The following GLIPR1L1 variants were observed in gnomAD, a reference collection of about 807,000 sequenced individuals.
The protein encoded by GLIPR1L1 is GLIPR1 like 1.
Under a neutral mutation model 29.9 loss-of-function variants are expected in GLIPR1L1, and 26 were observed. The observed-to-expected ratio is 0.87, with a 90% CI of 0.64 to 1.21. The LOEUF is 1.21. GLIPR1L1 is among the 50% of genes most tolerant of loss of function. GLIPR1L1 has a pLI of 0.00. For synonymous variants in GLIPR1L1, 77 were observed against 97.5 expected, an observed-to-expected ratio of 0.79 and a Z score of 1.24; for missense variants, 305 against 290.3, an observed-to-expected ratio of 1.05 and a Z score of -0.37.
intron 4 of GLIPR1L1, among the ~76,000 whole-genome samples, chr12:75,368,310 G>A (rs2044125898): frequency 6.8e-6 from 1 of 146,606 alleles, no homozygotes; most frequent in Non-Finnish European, 1.5e-5. Context: ...TTTTCCTCCT[G>A]CATTTTTCAT....
intron 2 of GLIPR1L1, among the ~76,000 whole-genome samples, chr12:75,344,216 C>G (rs1468980230): frequency 6.6e-6 from 1 of 152,064 alleles, no homozygotes; most frequent in Non-Finnish European, 1.5e-5. Flanking sequence ...TTCTCTCACT[C>G]TCTCTCTTCC....
rs181580359 is a variant in GLIPR1L1 at position 75,360,415 on chromosome 12, T to A, written c.522-2687T>A. ...CAAGTTAGTTCCTTCCTAGATACAA[T>A]GGGGATACAGGCATTGGGTAAATGC... On this transcript the variant is annotated intron_variant, in intron 3 of 5. Transcript: ENST00000378695. 3.3e-5 allele frequency: 5 copies of A among 152,232 alleles called. No individual in the cohort carries two copies. The East Asian group carries it at 9.7e-4, about 29-fold the overall frequency. The allele number at this position is 152,232 out of a possible 1,614,324, so 9.4% of individuals were successfully genotyped here.
chr12:75,347,647 T>C lies in GLIPR1L1; in HGVS notation c.446T>C (p.Val149Ala), dbSNP rs2139396567. The C allele has an allele frequency of 1.2e-6, 2 of 1,609,624 alleles. No homozygotes were observed. The highest frequency in any genetic ancestry group is 4.5e-5 in the East Asian group (2 of 44,642). Residue 149 changes from valine (V) to alanine (A), a missense_variant, in exon 3 of 6, where the codon GTC (valine) becomes GCC (alanine). Coordinates refer to ENST00000378695, the MANE Select transcript of GLIPR1L1 (RefSeq NM_001304964.2). ...TQLVWANSFY[V>A]GCAVAMCPNL... ...TTAGTTTGGGCCAATTCATTTTATG[T>C]CGGTTGTGCAGTTGCAATGTGTCCT...
At position 75,343,890 on chromosome 12, in the gene GLIPR1L1, T is replaced by A; in HGVS notation, c.372T>A (p.Tyr124Ter). Residue 124 changes from tyrosine (Y) to a stop codon, truncating the protein, a stop_gained, in exon 2 of 6, where the codon TAT becomes TAA. Coordinates refer to ENST00000378695, the MANE Select transcript of GLIPR1L1 (RefSeq NM_001304964.2). LOFTEE classifies it high-confidence loss of function. ...CTTGGTATAATGAAACCCAATTTTATGATTTTGATAGTCTATCATGCTCCA... is the reference window on the plus strand; with the variant it reads ...CTTGGTATAATGAAACCCAATTTTAAGATTTTGATAGTCTATCATGCTCCA... ...ITAWYNETQFYDFDSLSCSRV... is the reference protein window; with the variant it reads ...ITAWYNETQF The A allele has an allele frequency of 1.9e-6, 3 of 1,612,236 alleles. No individual in the cohort carries two copies. Among genetic ancestry groups the A allele is most frequent in the African/African-American group, 2.7e-5 (2 of 75,000 alleles).
At chr12:75,345,802 T>C (rs1293734966) in intron 2 of GLIPR1L1, among the ~76,000 whole-genome samples, 1 of 152,312 alleles carries the variant, frequency 6.6e-6, no homozygotes, top group South Asian at 2.1e-4. Context: ...TCTCTTTTGC[T>C]GTAAAGTAAA....
rs1336828364 is a variant in GLIPR1L1, at chr12:75,347,652, T to C, written c.451T>C (p.Cys151Arg). The C allele has an allele frequency of 6.2e-7, 1 of 1,609,966 alleles. No homozygotes were observed. Among genetic ancestry groups the C allele is most frequent in the Non-Finnish European group, 8.5e-7 (1 of 1,177,224 alleles). Reference protein sequence around the residue: ...LVWANSFYVGCAVAMCPNLGG... With the variant: ...LVWANSFYVGRAVAMCPNLGG... ...TTGGGCCAATTCATTTTATGTCGGT[T>C]GTGCAGTTGCAATGTGTCCTAACCT... is the stretch of plus-strand genomic sequence containing the variant. Residue 151 changes from cysteine (C) to arginine (R), a missense_variant, in exon 3 of 6, where the codon TGT becomes CGT. Cys to Arg is a radical substitution (Grantham distance 180, BLOSUM62 -3). Coordinates refer to ENST00000378695, the MANE Select transcript of GLIPR1L1 (RefSeq NM_001304964.2).
At chr12:75,362,319 C>A (rs1340570887) in intron 3 of GLIPR1L1, among the ~76,000 whole-genome samples, 3 of 152,102 alleles carry the variant, frequency 2.0e-5, no homozygotes, top group African/African-American at 7.2e-5. Context: ...TACCACTACA[C>A]CATTATTAGA....
At chr12:75,354,385 G>T (rs1457395024) in intron 3 of GLIPR1L1, among the ~76,000 whole-genome samples, 3 of 151,926 alleles carry the variant, frequency 2.0e-5, no homozygotes, top group African/African-American at 7.3e-5. Context: ...ATTCACAATT[G>T]CTAGAAAGAG....
chr12:75,336,529 A>G (rs2041750295), intron 1 of GLIPR1L1, among the ~76,000 whole-genome samples: 1 of 151,864 alleles, frequency 6.6e-6, no homozygotes, highest in Non-Finnish European at 1.5e-5. Flanking sequence ...CTACTGAAGT[A>G]GATTTTAAGA....
intron 4 of GLIPR1L1, among the ~76,000 whole-genome samples, chr12:75,367,216 A>T (rs934119987): frequency 1.4e-5 from 2 of 145,678 alleles, no homozygotes; most frequent in Non-Finnish European, 3.0e-5. Context: ...AAGATCCTTT[A>T]GAATGTACCT....
chr12:75,364,224 C>A (rs565572694), intron 4 of GLIPR1L1, among the ~76,000 whole-genome samples: 1 of 152,296 alleles, frequency 6.6e-6, no homozygotes, highest in East Asian at 1.9e-4. Flanking sequence ...TGAGACATGT[C>A]TGACCTCCCC....
chr12:75,360,734 G>C (rs777249115), intron 3 of GLIPR1L1: 8 of 152,194 alleles, frequency 5.3e-5, no homozygotes, highest in Non-Finnish European at 1.2e-4. Context: ...AGCTCCACTA[G>C]GCAGTGTGCC....
intron 4 of GLIPR1L1, among the ~76,000 whole-genome samples, chr12:75,368,715 G>A (rs925071910): frequency 1.6e-4 from 24 of 151,744 alleles, no homozygotes; most frequent in African/African-American, 5.8e-4. Flanking sequence ...TAAAAAGTTG[G>A]CATTTGGACA....
chr12:75,350,332 A>G (rs1328375468), intron 3 of GLIPR1L1, among the ~76,000 whole-genome samples: 1 of 152,224 alleles, frequency 6.6e-6, no homozygotes, highest in Non-Finnish European at 1.5e-5. Flanking sequence ...GAGTCTGGGT[A>G]GTCTGGACAA....
chr12:75,352,593 C>T (rs1350890475), intron 3 of GLIPR1L1, among the ~76,000 whole-genome samples: 1 of 152,106 alleles, frequency 6.6e-6, no homozygotes. Context: ...AGCCAGATGA[C>T]AGAGACAGAA....
intron 1 of GLIPR1L1, among the ~76,000 whole-genome samples, chr12:75,341,587 C>G (rs1483923171): frequency 6.6e-6 from 1 of 151,246 alleles, no homozygotes; most frequent in Non-Finnish European, 1.5e-5. Flanking sequence ...ACTGAGACTA[C>G]AGGCGCCCGC....
At chr12:75,343,614 C>T (rs2042258596) in intron 1 of GLIPR1L1, 79 bp from the exon 2 acceptor site, 1 of 1,099,186 alleles carries the variant, frequency 9.1e-7, no homozygotes, top group East Asian at 2.7e-5. Flanking sequence ...TTAAGCAAAA[C>T]TTAGTTGATT....
intron 3 of GLIPR1L1, among the ~76,000 whole-genome samples, chr12:75,362,057 C>T (rs2043631730): frequency 6.6e-6 from 1 of 151,932 alleles, no homozygotes; most frequent in South Asian, 2.1e-4. Flanking sequence ...TATTCAAAGA[C>T]ACTGTTAAGA....
At chr12:75,366,157 T>G (rs1440055203) in intron 4 of GLIPR1L1, among the ~76,000 whole-genome samples, 1 of 152,188 alleles carries the variant, frequency 6.6e-6, no homozygotes, top group Non-Finnish European at 1.5e-5. Context: ...TTATGACTAC[T>G]CTTAACTTTA....
Sources: gnomAD v4.1 joint callset for allele counts (sites outside exome capture counted in the v4.1 genomes callset) on GRCh38, gnomAD v4.1.1 for gene constraint, MANE v1.5 for transcripts, NCBI Gene and HGNC (gene_info 2026-07-23, HGNC 2026-07-21) for gene names.